PDGFRB: variants seen among roughly 807,000 people sequenced by gnomAD.
PDGFRB encodes the protein platelet derived growth factor receptor beta.
Under a neutral mutation model 120.2 loss-of-function variants are expected in PDGFRB, and 42 were observed. That is an observed-to-expected ratio of 0.35 (90% confidence interval 0.27 to 0.45). The LOEUF (loss-of-function observed/expected upper bound fraction) is 0.45. PDGFRB is among the 20% of genes least tolerant of loss of function. PDGFRB has a pLI of 1.00. For synonymous variants in PDGFRB, 586 were observed against 606.8 expected (o/e 0.97, Z 0.50); for missense variants, 1,149 against 1,476.3 (o/e 0.78, Z 3.63).
At chr5:150,135,907 G>T in intron 2 of PDGFRB, 29 bp from the exon 3 acceptor site, 1 of 1,476,608 alleles carries the variant, frequency 6.8e-7, no homozygotes, top group Non-Finnish European at 9.1e-7. Flanking sequence ...CAGACATCAG[G>T]AAACAGGGGC....
At position 150,129,718 on chromosome 5, in the gene PDGFRB, G is replaced by A. The variant is rs772467059; in HGVS notation, c.1579+39C>T. The A allele has an allele frequency of 3.9e-6, 6 of 1,533,290 alleles. No homozygotes were observed. The Admixed American group carries it at 1.0e-4, about 26-fold the overall frequency. 95.0% of individuals were successfully genotyped at this position (1,533,290 alleles called of 1,614,324 possible). On this transcript the variant is annotated intron_variant, in intron 10 of 22. Coordinates refer to ENST00000261799, the MANE Select transcript of PDGFRB (RefSeq NM_002609.4). ...ACCAATTAGGCAGGATTAAGGTAGGGATTGGGATCGTCAGGGGCCACTGAG... is the reference window on the plus strand; with the variant it reads ...ACCAATTAGGCAGGATTAAGGTAGGAATTGGGATCGTCAGGGGCCACTGAG...
intron 14 of PDGFRB, among the ~76,000 whole-genome samples, chr5:150,123,553 A>G (rs1474290064): frequency 1.3e-5 from 2 of 152,222 alleles, no homozygotes; most frequent in African/African-American, 4.8e-5. Flanking sequence ...GGAGCCCAGT[A>G]TAGAAAGCAG....
chr5:150,152,017 A>T (rs1258139441), intron 1 of PDGFRB, among the ~76,000 whole-genome samples: 1 of 151,886 alleles, frequency 6.6e-6, no homozygotes, highest in African/African-American at 2.4e-5. Context: ...AAGCAATTCT[A>T]GTGCCTCAGC....
At chr5:150,149,005 C>G (rs1030272538) in intron 1 of PDGFRB, among the ~76,000 whole-genome samples, 2 of 152,128 alleles carry the variant, frequency 1.3e-5, no homozygotes, top group Admixed American at 6.5e-5. Flanking sequence ...AGCAGGAGGC[C>G]AGGGAAGGAG....
At position 150,134,985 on chromosome 5, in the gene PDGFRB, G is replaced by T. The variant is rs751600349; in HGVS notation, c.396C>A (p.Ala132=). 24 of 1,607,878 alleles carry T rather than the reference G, an allele frequency of 1.5e-5. No individual in the cohort carries two copies. Among genetic ancestry groups the T allele is most frequent in the Non-Finnish European group, 1.8e-5 (21 of 1,175,570 alleles). The change falls in exon 4 of 23, where the codon GCC becomes GCA. Residue 132 remains alanine, a synonymous_variant. Transcript: ENST00000261799. ...DPTVGFLPND[A]EELFIFLTEI... Reference sequence around the variant, plus strand: ...CCGTGAGAAAGATGAATAGTTCCTCGGCATCATTAGGGAGGAAGCCCACGG... The same window carrying T: ...CCGTGAGAAAGATGAATAGTTCCTCTGCATCATTAGGGAGGAAGCCCACGG...
intron 4 of PDGFRB, among the ~76,000 whole-genome samples, chr5:150,134,392 G>A (rs899594034): frequency 2.6e-5 from 4 of 152,132 alleles, no homozygotes; most frequent in South Asian, 2.1e-4. Context: ...TTATCCCCAC[G>A]TTACAAGAGG....
At chr5:150,147,916 G>A (rs1437871406) in intron 1 of PDGFRB, among the ~76,000 whole-genome samples, 2 of 152,164 alleles carry the variant, frequency 1.3e-5, no homozygotes, top group African/African-American at 4.8e-5. Flanking sequence ...ACTCAAGGGA[G>A]AAGAAGTCAC....
At chr5:150,137,440 C>T (rs747089759) in intron 1 of PDGFRB, 6 of 175,468 alleles carry the variant, frequency 3.4e-5, no homozygotes, top group African/African-American at 7.1e-5. Context: ...GTTCCAATAC[C>T]AGGCTCTTAT....
chr5:150,146,969 A>C (rs1043000402), intron 1 of PDGFRB, among the ~76,000 whole-genome samples: 1 of 152,200 alleles, frequency 6.6e-6, no homozygotes, highest in Non-Finnish European at 1.5e-5. Context: ...ACCCAGGACT[A>C]GGGATAGAAC....
intron 8 of PDGFRB, 77 bp downstream of exon 8, chr5:150,131,902 G>A (rs1760476039): frequency 1.3e-6 from 1 of 755,008 alleles, no homozygotes; most frequent in Non-Finnish European, 2.3e-6. Context: ...ATGGGTGGGT[G>A]GACAGTGCAG....
Position 150,125,488 on chromosome 5 carries a change from G to A in PDGFRB, c.1764C>T (p.Pro588=), listed in dbSNP as rs2113897010. 6.2e-7 allele frequency: 1 copy of A among 1,613,482 alleles called. No individual in the cohort carries two copies. Among genetic ancestry groups the A allele is most frequent in the Non-Finnish European group, 8.5e-7 (1 of 1,179,518 alleles). The change falls in exon 12 of 23, where the codon CCC becomes CCT. Residue 588 remains proline (P), a synonymous_variant. Coordinates refer to ENST00000261799, the MANE Select transcript of PDGFRB (RefSeq NM_002609.4). ...GCGGCAGCTCCCACGTGGAGTCATA[G>A]GGCAGCTGCATGGGGTCCACGTAGA... is the stretch of plus-strand genomic sequence containing the variant. ...EYIYVDPMQL[P]YDSTWELPRD... is the part of the protein sequence containing the mutation.
intron 1 of PDGFRB, among the ~76,000 whole-genome samples, chr5:150,144,694 G>A (rs887007812): frequency 2.0e-5 from 3 of 152,154 alleles, no homozygotes; most frequent in South Asian, 2.1e-4. Context: ...TGTGCCTCAC[G>A]GCTGCTGGGG....
At chr5:150,122,787 C>T (rs1760178499) in intron 15 of PDGFRB, among the ~76,000 whole-genome samples, 1 of 152,230 alleles carries the variant, frequency 6.6e-6, no homozygotes, top group Non-Finnish European at 1.5e-5. Flanking sequence ...CACTGCCTGC[C>T]CTGGACTGAA....
intron 8 of PDGFRB, 51 bp downstream of exon 8, chr5:150,131,928 G>A (rs376009318): frequency 5.5e-5 from 53 of 960,932 alleles, no homozygotes; most frequent in Admixed American, 2.1e-4. Flanking sequence ...GAGAGGGAAC[G>A]GGGGCAGGGA....
chr5:150,129,254 C>A (rs1193195858), intron 10 of PDGFRB, among the ~76,000 whole-genome samples: 1 of 152,212 alleles, frequency 6.6e-6, no homozygotes, highest in Non-Finnish European at 1.5e-5. Flanking sequence ...CAGACATACA[C>A]TGTGGGGTTT....
rs1759871591 is a variant in PDGFRB at position 150,114,753 on chromosome 5, G to A, written c.*1010C>T. ...ATCTGGACAAATGTGCAACCACCTG[G>A]AATACTCTAGAATGTTAGTGCTGGC... On this transcript the variant is annotated 3_prime_UTR_variant, in exon 23 of 23. Transcript: ENST00000261799. The A allele has an allele frequency of 4.3e-6, 1 of 233,588 alleles. No homozygotes were observed. The highest frequency in any genetic ancestry group is 2.2e-5 in the African/African-American group (1 of 45,456). 14.5% of individuals were successfully genotyped at this position (233,588 alleles called of 1,614,324 possible). A position where few individuals can be genotyped will look rare whatever the true frequency, so the allele number is the denominator to read the frequency against.
At chr5:150,131,939 G>T in intron 8 of PDGFRB, 40 bp downstream of exon 8, 2 of 1,052,002 alleles carry the variant, frequency 1.9e-6, no homozygotes, top group Non-Finnish European at 3.0e-6. Context: ...GGGGCAGGGA[G>T]GGGAAGGAGC....
At position 150,118,764 on chromosome 5, in the gene PDGFRB, C is replaced by T; in HGVS notation, c.2887G>A (p.Gly963Ser). ...QLVLLLERLL[G>S]EGYKKKYQQV... Reference sequence around the variant, plus strand: ...CAACATACCTTTTTGTAACCTTCGCCCAACAGTCTCTCGAGAAGCAGCACC... The same window carrying T: ...CAACATACCTTTTTGTAACCTTCGCTCAACAGTCTCTCGAGAAGCAGCACC... The change falls in exon 21 of 23, where the codon GGC (glycine) becomes AGC (serine). Residue 963 changes from glycine to serine, a missense_variant. Physicochemically the swap from Gly to Ser is moderately conservative, Grantham distance 56. Coordinates refer to ENST00000261799, the MANE Select transcript of PDGFRB (RefSeq NM_002609.4). 6.2e-7 allele frequency: 1 copy of T among 1,611,246 alleles called. No individual in the cohort carries two copies.
At chr5:150,135,529 T>G (rs2113911953) in intron 3 of PDGFRB, 26 bp downstream of exon 3, 1 of 1,461,514 alleles carries the variant, frequency 6.8e-7, no homozygotes, top group African/African-American at 1.4e-5. Context: ...GGGTAAGGAG[T>G]GGGCACACAG....
Sources: allele counts gnomAD v4.1 joint callset (sites outside exome capture counted in the v4.1 genomes callset), GRCh38; gene constraint gnomAD v4.1.1; transcripts MANE v1.5; gene names NCBI Gene and HGNC (gene_info 2026-07-23, HGNC 2026-07-21).